PRH1: variants seen among roughly 807,000 people sequenced by gnomAD.
PRH1 encodes the protein salivary acidic proline-rich phosphoprotein 1/2.
In PRH1, 7 loss-of-function variants were observed where a neutral mutation model predicts 7.9. The observed-to-expected ratio is 0.89, with a 90% CI of 0.50 to 1.67. The LOEUF is 1.67. Among genes scored for constraint, PRH1 ranks in the 40% most tolerant of loss-of-function variants. The pLI is 0.00. For synonymous variants in PRH1, 45 were observed against 80.8 expected, an observed-to-expected ratio of 0.56 and a Z score of 2.38; for missense variants, 109 against 223.6, an observed-to-expected ratio of 0.49 and a Z score of 3.27.
At chr12:10,933,408 G>T (rs1453602418) in intron 2 of PRH1, among the ~76,000 whole-genome samples, 1 of 151,842 alleles carries the variant, frequency 6.6e-6, no homozygotes, top group Non-Finnish European at 1.5e-5. Context: ...ATGCTGAAAA[G>T]AAGAGAAATA....
chr12:10,989,568 C>CTA (rs1939826977), intron 1 of PRH1, among the ~76,000 whole-genome samples: 1 of 152,140 alleles, frequency 6.6e-6, no homozygotes, highest in East Asian at 1.9e-4. Flanking sequence ...TACTTACAGA[C>CTA]TATATATGGC....
chr12:10,910,271 A>G (rs1271791697), intron 2 of PRH1, among the ~76,000 whole-genome samples: 1 of 152,156 alleles, frequency 6.6e-6, no homozygotes, highest in Non-Finnish European at 1.5e-5. Context: ...TAAATCAAGC[A>G]CAGTAAAAGA....
intron 2 of PRH1, among the ~76,000 whole-genome samples, chr12:10,917,142 T>C (rs1188960681): frequency 6.6e-6 from 1 of 152,112 alleles, no homozygotes; most frequent in Non-Finnish European, 1.5e-5. Context: ...TATTTGTACG[T>C]ATGAGATAAG....
chr12:11,125,998 T>C (rs1018451507), intron 1 of PRH1, among the ~76,000 whole-genome samples: 1 of 152,100 alleles, frequency 6.6e-6, no homozygotes, highest in Admixed American at 6.6e-5. Context: ...GAATGTTTTT[T>C]CAGCCTATTT....
rs768284065 is a variant in PRH1, at chr12:11,030,880, A to G, written c.-126+16140T>C. On this transcript the variant is annotated intron_variant, in intron 1 of 3. Transcript: ENST00000539853. ...TTCCTTCATATTCTTTTGTCCGTAC[A>G]ATCTCTTTCATGTTTATCACAAAAA... The G allele has an allele frequency of 4.3e-6, 7 of 1,614,088 alleles. No homozygotes were observed. In the Admixed American group the frequency reaches 1.2e-4, roughly 27 times the overall value.
At chr12:10,891,822 C>G (rs1949577679) in intron 2 of PRH1, 1 of 152,188 alleles carries the variant, frequency 6.6e-6, no homozygotes, top group Non-Finnish European at 1.5e-5. Flanking sequence ...AGAGAAATCT[C>G]AAAATTAGGA....
chr12:11,019,404 T>G (rs11054168), intron 1 of PRH1, among the ~76,000 whole-genome samples: 3 of 152,230 alleles, frequency 2.0e-5, no homozygotes, highest in African/African-American at 7.2e-5. Flanking sequence ...TGGACTTGCC[T>G]TCCCAAATAA....
At chr12:11,123,931 T>C (rs2136331889) in intron 1 of PRH1, among the ~76,000 whole-genome samples, 1 of 152,350 alleles carries the variant, frequency 6.6e-6, no homozygotes, top group Middle Eastern at 3.4e-3. Flanking sequence ...CTTAACGCCA[T>C]GTTCTTTTTA....
At chr12:10,967,434 C>T (rs1322107544) in intron 2 of PRH1, among the ~76,000 whole-genome samples, 1 of 152,140 alleles carries the variant, frequency 6.6e-6, no homozygotes, top group Non-Finnish European at 1.5e-5. Context: ...TCAAATAAGG[C>T]AAGACGTGGA....
Position 10,910,402 on chromosome 12 carries a change from G to A in PRH1, c.-58-26127C>T, listed in dbSNP as rs143113742. On this transcript the variant is annotated intron_variant, in intron 2 of 3. Coordinates refer to the PRH1 transcript ENST00000539853. The stretch of plus-strand genomic sequence containing the variant: ...TTTGGGAGATTGAGGCGGGAGGACC[G>A]CTCGAGCCCAAAAGTTTGAGACCGG... Among the ~76,000 whole-genome samples, 5 of 152,168 alleles carry A rather than the reference G, an allele frequency of 3.3e-5. No homozygotes were observed. The South Asian group carries it at 6.2e-4, about 19-fold the overall frequency.
upstream of PRH1, among the ~76,000 whole-genome samples, chr12:10,885,998 G>C (rs1949486408): frequency 6.6e-6 from 1 of 152,160 alleles, no homozygotes; most frequent in Non-Finnish European, 1.5e-5. Flanking sequence ...AGGCAGATTG[G>C]TATTTTCCCT....
chr12:11,082,611 C>T (rs1262260826), intron 1 of PRH1, among the ~76,000 whole-genome samples: 1 of 114,762 alleles, frequency 8.7e-6, no homozygotes, highest in East Asian at 2.1e-4. Context: ...CAGCATAATT[C>T]CGATATTATT....
chr12:11,066,464 C>A (rs1198563148), intron 1 of PRH1, among the ~76,000 whole-genome samples: 1 of 151,820 alleles, frequency 6.6e-6, no homozygotes, highest in Admixed American at 6.6e-5. Context: ...TTTGCTTAAG[C>A]AATATATTGT....
chr12:10,998,951 A>G (rs1420350640), intron 1 of PRH1, among the ~76,000 whole-genome samples: 1 of 152,072 alleles, frequency 6.6e-6, no homozygotes, highest in African/African-American at 2.4e-5. Flanking sequence ...TGTCCACACT[A>G]ACACACTGTT....
intron 1 of PRH1, among the ~76,000 whole-genome samples, chr12:11,064,021 T>C (rs1445622753): frequency 5.3e-5 from 8 of 151,922 alleles, no homozygotes; most frequent in Non-Finnish European, 2.9e-5. Context: ...AAATGGGAAA[T>C]ACCGCAGTGT....
chr12:10,917,146 A>T (rs1239346794), intron 2 of PRH1, among the ~76,000 whole-genome samples: 1 of 152,104 alleles, frequency 6.6e-6, no homozygotes, highest in Non-Finnish European at 1.5e-5. Context: ...TGTACGTATG[A>T]GATAAGCTGG....
chr12:11,137,411 G>C (rs1946587733), intron 1 of PRH1, among the ~76,000 whole-genome samples: 1 of 152,140 alleles, frequency 6.6e-6, no homozygotes, highest in Non-Finnish European at 1.5e-5. Context: ...TTTGGTTATA[G>C]AACTATAACC....
At chr12:11,101,815 C>A (rs1945259838) in intron 1 of PRH1, among the ~76,000 whole-genome samples, 1 of 152,168 alleles carries the variant, frequency 6.6e-6, no homozygotes. Context: ...TGCCCAAAAT[C>A]TCCTTAAGCT....
rs1592001849 is a variant in PRH1, at chr12:11,093,512, G to A, written n.124-46324C>T. Reference sequence around the variant, plus strand: ...TTAGTCCTATTTTCCCGGGTTTTCAGCCCATGAATAATATTTATTTATCAA... The same window carrying A: ...TTAGTCCTATTTTCCCGGGTTTTCAACCCATGAATAATATTTATTTATCAA... On this transcript the variant is annotated intron_variant and non_coding_transcript_variant, in intron 1 of 4. Transcript: ENST00000541977. 1.7e-5 allele frequency among the ~76,000 whole-genome samples: 2 copies of A among 115,532 alleles called. 1 individual carries two copies. Among genetic ancestry groups the A allele is most frequent in the Non-Finnish European group, 4.1e-5 (2 of 48,970 alleles). The allele number at this position is 115,532 out of a possible 152,430, so 75.8% of individuals were successfully genotyped here.
Sources: allele counts gnomAD v4.1 joint callset (sites outside exome capture counted in the v4.1 genomes callset), GRCh38; gene constraint gnomAD v4.1.1; transcripts MANE v1.5; gene names NCBI Gene and HGNC (gene_info 2026-07-23, HGNC 2026-07-21).